Variants in COL25A1 observed in about 807,000 individuals in gnomAD.
COL25A1 encodes collagen type XXV alpha 1 chain, also known as collagen alpha-1(XXV) chain.
A neutral mutation model predicts 128.4 loss-of-function variants in COL25A1; 103 were observed. The ratio of observed to expected loss-of-function variants is 0.80; its 90% confidence interval spans 0.68 to 0.94. The LOEUF (loss-of-function observed/expected upper bound fraction) is 0.94, where lower values mean the gene tolerates loss of function less well. Among genes scored for constraint, COL25A1 ranks in the 40% least tolerant of loss-of-function variants. The pLI, the probability that COL25A1 is intolerant of heterozygous loss-of-function variation, is 0.00. For missense variants in COL25A1, 745 were observed against 840.0 expected (o/e 0.89, Z 1.40); for synonymous variants, 279 against 277.2 (o/e 1.01, Z -0.06).
At position 109,083,466 on chromosome 4, in the gene COL25A1, T is replaced by TAA. The variant is rs1400345209; in HGVS notation, c.368-33288_368-33287insTT. On this transcript the variant is annotated intron_variant, in intron 3 of 37. Transcript: ENST00000399132. ...TAAATAAATTTTTTTTTTTTTTTTT[T>TAA]TTTTTTTTTTTTTTGAGACGGAGTC... 0.018 allele frequency among the ~76,000 whole-genome samples: 2,308 copies of TAA among 131,184 alleles called. 171 individuals are homozygous for TAA. The East Asian group carries it at 0.19, about 11-fold the overall frequency. 86.1% of individuals were successfully genotyped at this position (131,184 alleles called of 152,430 possible). A position where few individuals can be genotyped will look rare whatever the true frequency, so the allele number is the denominator to read the frequency against.
At position 109,300,669 on chromosome 4, in the gene COL25A1, G is replaced by C. The variant is rs1372072146; in HGVS notation, c.298-17C>G. On this transcript the variant is annotated splice_polypyrimidine_tract_variant and intron_variant, in intron 2 of 37. Coordinates refer to ENST00000399132, the MANE Select transcript of COL25A1 (RefSeq NM_198721.4). ...ATAGGATTTCTGTAGGAAAAGAAGA[G>C]TTATTAATAATCATCAGTAGCACTG... is the stretch of plus-strand genomic sequence containing the variant. 6.4e-7 allele frequency: 1 copy of C among 1,570,550 alleles called. No individual in the cohort carries two copies. Among genetic ancestry groups the C allele is most frequent in the African/African-American group, 1.4e-5 (1 of 74,062 alleles).
At chr4:108,983,430 G>T (rs1337019889) in intron 6 of COL25A1, among the ~76,000 whole-genome samples, 1 of 152,096 alleles carries the variant, frequency 6.6e-6, no homozygotes, top group African/African-American at 2.4e-5. Flanking sequence ...TATAATTATC[G>T]ATTTCAGCAT....
intron 3 of COL25A1, among the ~76,000 whole-genome samples, chr4:109,196,119 T>C (rs952756014): frequency 6.6e-6 from 1 of 152,200 alleles, no homozygotes; most frequent in Non-Finnish European, 1.5e-5. Context: ...CTCTGTGCGC[T>C]GTACACAAGT....
intron 6 of COL25A1, among the ~76,000 whole-genome samples, chr4:108,989,938 C>T (rs568862345): frequency 3.9e-5 from 6 of 152,034 alleles, no homozygotes; most frequent in African/African-American, 1.2e-4. Context: ...ATACGCCGGG[C>T]GCAGTGGCTT....
chr4:109,022,961 A>G (rs1383150370), intron 5 of COL25A1, among the ~76,000 whole-genome samples: 2 of 152,176 alleles, frequency 1.3e-5, no homozygotes, highest in African/African-American at 4.8e-5. Flanking sequence ...AGAACCCAAG[A>G]GCATTCAAGA....
At chr4:108,899,683 T>G (rs868283002) in intron 14 of COL25A1, among the ~76,000 whole-genome samples, 11 of 152,116 alleles carry the variant, frequency 7.2e-5, no homozygotes, top group African/African-American at 2.7e-4. Context: ...AGTCCTAATC[T>G]TGAACCCCTT....
intron 6 of COL25A1, among the ~76,000 whole-genome samples, chr4:108,996,680 T>G (rs1292337458): frequency 6.6e-6 from 1 of 152,200 alleles, no homozygotes; most frequent in Non-Finnish European, 1.5e-5. Context: ...TGCATTCTTC[T>G]CAGCACCACA....
At chr4:109,164,159 C>T (rs1343265304) in intron 3 of COL25A1, among the ~76,000 whole-genome samples, 1 of 151,914 alleles carries the variant, frequency 6.6e-6, no homozygotes, top group Non-Finnish European at 1.5e-5. Context: ...GGCTTGTGCA[C>T]ACAATGGAAT....
intron 3 of COL25A1, among the ~76,000 whole-genome samples, chr4:109,260,318 A>G (rs1052278220): frequency 1.3e-5 from 2 of 152,202 alleles, no homozygotes; most frequent in African/African-American, 4.8e-5. Context: ...CACTGGGTCA[A>G]ATTTTTTTTA....
intron 20 of COL25A1, among the ~76,000 whole-genome samples, chr4:108,868,836 GGAAGGAAGATAGGAAGGAAA>G: frequency 7.3e-6 from 1 of 137,792 alleles, no homozygotes; most frequent in South Asian, 2.3e-4. Flanking sequence ...AAGGAATGAA[GGAAGGAAGATAGGAAGGAAA>G]GAAGGAAGGA....
chr4:108,839,407 A>G (rs1734164154), intron 31 of COL25A1, among the ~76,000 whole-genome samples: 1 of 152,254 alleles, frequency 6.6e-6, no homozygotes, highest in Non-Finnish European at 1.5e-5. Flanking sequence ...CAGTACAGCC[A>G]CTATAGCAAG....
At chr4:109,092,368 C>T (rs1031566374) in intron 3 of COL25A1, among the ~76,000 whole-genome samples, 8 of 151,980 alleles carry the variant, frequency 5.3e-5, no homozygotes. Flanking sequence ...TCAGGTAGTC[C>T]CAGCTACCTG....
At chr4:109,148,327 T>A (rs1252394011) in intron 3 of COL25A1, among the ~76,000 whole-genome samples, 1 of 152,202 alleles carries the variant, frequency 6.6e-6, no homozygotes, top group Non-Finnish European at 1.5e-5. Context: ...TAGGAACAGA[T>A]GTCAATTTTA....
chr4:109,279,134 A>T (rs1048268252), intron 3 of COL25A1, among the ~76,000 whole-genome samples: 2 of 152,218 alleles, frequency 1.3e-5, no homozygotes, highest in African/African-American at 4.8e-5. Context: ...GGGAAGACAC[A>T]GACACCCAAA....
chr4:109,118,389 G>A (rs1767801612), intron 3 of COL25A1, among the ~76,000 whole-genome samples: 1 of 151,784 alleles, frequency 6.6e-6, no homozygotes, highest in Admixed American at 6.6e-5. Context: ...ACACACGTGA[G>A]GTGATGGGTA....
At chr4:108,956,040 A>G (rs1416555749) in intron 8 of COL25A1, among the ~76,000 whole-genome samples, 1 of 152,334 alleles carries the variant, frequency 6.6e-6, no homozygotes, top group East Asian at 1.9e-4. Flanking sequence ...AAGTGCAAGA[A>G]GAAATAGAAG....
chr4:108,841,818 G>T, intron 30 of COL25A1, 97 bp from the exon 31 acceptor site: 1 of 991,914 alleles, frequency 1.0e-6, no homozygotes, highest in Non-Finnish European at 1.6e-6. Flanking sequence ...TGTGAGACAA[G>T]CATCTTCTTG....
At chr4:109,244,005 T>C (rs1367245663) in intron 3 of COL25A1, among the ~76,000 whole-genome samples, 2 of 151,798 alleles carry the variant, frequency 1.3e-5, no homozygotes, top group African/African-American at 4.8e-5. Context: ...AAGGTTCTTT[T>C]CTACATAGAG....
intron 3 of COL25A1, among the ~76,000 whole-genome samples, chr4:109,130,370 A>T (rs1769067625): frequency 1.3e-5 from 2 of 152,208 alleles, no homozygotes; most frequent in African/African-American, 4.8e-5. Flanking sequence ...TACACATTAA[A>T]GAATTATAAA....
Sources: allele counts gnomAD v4.1 joint callset (sites outside exome capture counted in the v4.1 genomes callset), GRCh38; gene constraint gnomAD v4.1.1; transcripts MANE v1.5; gene names NCBI Gene and HGNC (gene_info 2026-07-23, HGNC 2026-07-21).